NOVA1: variants seen among roughly 807,000 people sequenced by gnomAD.
The protein encoded by NOVA1 is RNA-binding protein Nova-1.
A neutral mutation model predicts 38.0 loss-of-function variants in NOVA1; 7 were observed. The ratio of observed to expected loss-of-function variants is 0.18; its 90% CI spans 0.10 to 0.35. NOVA1 has a LOEUF of 0.35. Ranked by LOEUF, NOVA1 falls within the 10% of genes least tolerant of loss-of-function variation. The pLI is 1.00. For missense variants in NOVA1, 460 were observed against 616.0 expected, an observed-to-expected ratio of 0.75 and a Z score of 2.68; for synonymous variants, 270 against 232.5, an observed-to-expected ratio of 1.16 and a Z score of -1.47.
intron 2 of NOVA1, among the ~76,000 whole-genome samples, chr14:26,559,926 T>C (rs1234880810): frequency 2.0e-5 from 3 of 152,148 alleles, no homozygotes; most frequent in Non-Finnish European, 4.4e-5. Context: ...CTAATTACAC[T>C]GATATGATCT....
At chr14:26,519,690 T>C (rs549461627) in intron 2 of NOVA1, 5 of 152,300 alleles carry the variant, frequency 3.3e-5, no homozygotes, top group South Asian at 4.1e-4. Flanking sequence ...TTGGTAATTA[T>C]AATGGATTTG....
intron 2 of NOVA1, among the ~76,000 whole-genome samples, chr14:26,569,828 T>C (rs930376318): frequency 1.3e-5 from 2 of 152,200 alleles, no homozygotes; most frequent in African/African-American, 4.8e-5. Context: ...TTCAACAGCA[T>C]ACTATTCCTT....
At position 26,444,488 on chromosome 14, in the gene NOVA1, T is replaced by G. The variant is rs1445476713; in HGVS notation, c.*3471A>C. 1 of 152,172 alleles carries G rather than the reference T, an allele frequency of 6.6e-6. No homozygotes were observed. The highest frequency in any genetic ancestry group is 1.5e-5 in the Non-Finnish European group (1 of 68,036). The allele number at this position is 152,172 out of a possible 1,614,324, so 9.4% of individuals were successfully genotyped here. A position where few individuals can be genotyped will look rare whatever the true frequency, so the allele number is the denominator to read the frequency against. ...GCATGGTGGTGTGGCAATATCATTTTAAAAGTTTGTTACAGATGTGATGGG... is the reference window on the plus strand; with the variant it reads ...GCATGGTGGTGTGGCAATATCATTTGAAAAGTTTGTTACAGATGTGATGGG... On this transcript the variant is annotated 3_prime_UTR_variant, in exon 5 of 5. Transcript: ENST00000539517.
At chr14:26,471,950 A>AT (rs542697928) in intron 4 of NOVA1, 3,338 of 270,042 alleles carry the variant, frequency 0.012, 2 homozygotes, top group Non-Finnish European at 0.015. Context: ...CAATTTATAC[A>AT]TTTTTTTTTT....
intron 2 of NOVA1, among the ~76,000 whole-genome samples, chr14:26,552,444 A>G (rs1019137074): frequency 5.9e-5 from 9 of 152,176 alleles, no homozygotes; most frequent in Non-Finnish European, 8.8e-5. Flanking sequence ...GGGAATATGC[A>G]GTTAGAAATA....
intron 2 of NOVA1, among the ~76,000 whole-genome samples, chr14:26,501,420 T>C (rs979991112): frequency 6.6e-6 from 1 of 151,966 alleles, no homozygotes; most frequent in Admixed American, 6.6e-5. Flanking sequence ...TCTTCAAATA[T>C]ATGTGTGCAA....
In NOVA1 at chr14:26,529,128, CTT is replaced by C. The variant is rs5807368; in HGVS notation, c.281-48987_281-48986del. Among the ~76,000 whole-genome samples, 229 of 146,038 alleles carry C rather than the reference CTT, an allele frequency of 1.6e-3. 1 individual carries two copies. The highest frequency in any genetic ancestry group is 4.9e-3 in the African/African-American group (196 of 39,998). On this transcript the variant is annotated intron_variant, in intron 2 of 4. Coordinates refer to ENST00000539517, the MANE Select transcript of NOVA1 (RefSeq NM_002515.3). Reference sequence around the variant, plus strand: ...TGTAGTATCTAATGAAGTGGTTATGCTTTTTTTTTTTTCCTTTTTTTTCTTTT... The same window carrying C: ...TGTAGTATCTAATGAAGTGGTTATGCTTTTTTTTTTCCTTTTTTTTCTTTT...
At chr14:26,500,274 CAT>C (rs531790205) in intron 2 of NOVA1, among the ~76,000 whole-genome samples, 104 of 152,122 alleles carry the variant, frequency 6.8e-4, no homozygotes, top group African/African-American at 2.1e-3. Context: ...CACACATGTG[CAT>C]ATGTGTCAAA....
At chr14:26,478,668 G>A (rs1248024804) in intron 3 of NOVA1, among the ~76,000 whole-genome samples, 1 of 151,706 alleles carries the variant, frequency 6.6e-6, no homozygotes, top group Non-Finnish European at 1.5e-5. Context: ...AACTATAAAT[G>A]ACTGTGAAAA....
At chr14:26,557,813 A>C (rs532989357) in intron 2 of NOVA1, among the ~76,000 whole-genome samples, 12 of 152,290 alleles carry the variant, frequency 7.9e-5, no homozygotes, top group Admixed American at 7.2e-4. Flanking sequence ...CTTGCACACA[A>C]AAGTTTACAG....
chr14:26,565,819 C>T (rs1400385021), intron 2 of NOVA1, among the ~76,000 whole-genome samples: 2 of 151,636 alleles, frequency 1.3e-5, no homozygotes, highest in African/African-American at 4.8e-5. Context: ...GAAAATGTGA[C>T]AAAAGAAAAA....
intron 4 of NOVA1, among the ~76,000 whole-genome samples, chr14:26,458,326 G>GTA (rs1300870033): frequency 2.0e-5 from 3 of 151,960 alleles, no homozygotes; most frequent in Non-Finnish European, 4.4e-5. Flanking sequence ...TCACCACTGG[G>GTA]TATATATATA....
At chr14:26,511,545 ATC>A (rs1375292925) in intron 2 of NOVA1, among the ~76,000 whole-genome samples, 33 of 152,274 alleles carry the variant, frequency 2.2e-4, no homozygotes, top group Non-Finnish European at 3.7e-4. Flanking sequence ...AGGCGGGCAG[ATC>A]ACAAGGTCAT....
At chr14:26,585,556 C>T (rs1041036817) in intron 2 of NOVA1, among the ~76,000 whole-genome samples, 4 of 151,286 alleles carry the variant, frequency 2.6e-5, no homozygotes, top group African/African-American at 9.7e-5. Context: ...CAAGAAAAAT[C>T]ATGATTGGTC....
At chr14:26,501,568 ATATAT>A (rs1178061751) in intron 2 of NOVA1, among the ~76,000 whole-genome samples, 2 of 151,976 alleles carry the variant, frequency 1.3e-5, no homozygotes, top group Non-Finnish European at 2.9e-5. Flanking sequence ...TAAAGAAATA[ATATAT>A]TATTTTATCT....
intron 2 of NOVA1, among the ~76,000 whole-genome samples, chr14:26,559,822 TTAG>T (rs1419549472): frequency 6.6e-6 from 1 of 152,068 alleles, no homozygotes; most frequent in Non-Finnish European, 1.5e-5. Context: ...TAGAGTGACT[TTAG>T]TAACCTTTTG....
chr14:26,597,109 G>A (rs1894241226), intron 1 of NOVA1, 192 bp downstream of exon 1: 4 of 1,231,928 alleles, frequency 3.2e-6, no homozygotes, highest in Non-Finnish European at 4.0e-6. Flanking sequence ...GAAATGTGTC[G>A]GGGACACCTA....
chr14:26,508,005 T>TA (rs1006445564), intron 2 of NOVA1, among the ~76,000 whole-genome samples: 1 of 151,990 alleles, frequency 6.6e-6, no homozygotes, highest in Non-Finnish European at 1.5e-5. Flanking sequence ...AAGCTTCTAG[T>TA]AAAAAAAGTG....
intron 2 of NOVA1, among the ~76,000 whole-genome samples, chr14:26,544,938 A>G (rs1890700059): frequency 6.6e-6 from 1 of 152,060 alleles, no homozygotes; most frequent in African/African-American, 2.4e-5. Flanking sequence ...AAGAAGACCA[A>G]TTGTATGGCC....
Sources: allele counts gnomAD v4.1 joint callset (sites outside exome capture counted in the v4.1 genomes callset), GRCh38; gene constraint gnomAD v4.1.1; transcripts MANE v1.5; gene names NCBI Gene and HGNC (gene_info 2026-07-23, HGNC 2026-07-21).